The following CFAP46 variants were observed in gnomAD, a reference collection of about 807,000 sequenced individuals.
The protein encoded by CFAP46 is cilia- and flagella-associated protein 46.
A neutral mutation model predicts 325.7 loss-of-function variants in CFAP46; 245 were observed. The ratio of observed to expected loss-of-function variants is 0.75; its 90% CI spans 0.68 to 0.84. CFAP46 has a LOEUF of 0.84. Ranked by LOEUF, CFAP46 falls within the 40% of genes least tolerant of loss-of-function variation. The pLI is 0.00. For synonymous variants in CFAP46, 1,523 were observed against 1,495.9 expected (o/e 1.02, Z -0.42); for missense variants, 3,346 against 3,543.0 (o/e 0.94, Z 1.41).
chr10:132,858,203 C>T (rs867121248), intron 38 of CFAP46, among the ~76,000 whole-genome samples: 3 of 149,588 alleles, frequency 2.0e-5, no homozygotes, highest in Non-Finnish European at 4.4e-5. Context: ...CGTGTCGAGA[C>T]GCTTGCGTGT....
intron 50 of CFAP46, among the ~76,000 whole-genome samples, chr10:132,818,988 A>G (rs1814388328): frequency 6.6e-6 from 1 of 152,044 alleles, no homozygotes; most frequent in Non-Finnish European, 1.5e-5. Flanking sequence ...TGTTAGAACT[A>G]ATAAATTAAG....
chr10:132,907,722 G>A (rs891364789), intron 22 of CFAP46, among the ~76,000 whole-genome samples: 2 of 152,196 alleles, frequency 1.3e-5, no homozygotes, highest in Non-Finnish European at 2.9e-5. Flanking sequence ...CACCCCCACA[G>A]TGATGGTGTT....
rs1022707455 is a variant in CFAP46 at position 132,827,343 on chromosome 10, G to A, written c.7117+6015C>T. On this transcript the variant is annotated intron_variant, in intron 50 of 57. Transcript: ENST00000368586. This position sits in a 1 kb window ranked among gnomAD's most constrained non-coding sequence, Gnocchi z 5.7. Reference sequence around the variant, plus strand: ...GCTATAAGCTGCCACGCCGACTGCTGTGGGAGCTCCTGGGCCTGGAGGAGC... The same window carrying A: ...GCTATAAGCTGCCACGCCGACTGCTATGGGAGCTCCTGGGCCTGGAGGAGC... Among the ~76,000 whole-genome samples, 6 of 152,182 alleles carry A rather than the reference G, an allele frequency of 3.9e-5. No individual in the cohort carries two copies. Among genetic ancestry groups the A allele is most frequent in the African/African-American group, 1.4e-4 (6 of 41,434 alleles).
intron 28 of CFAP46, 36 bp from the exon 29 acceptor site, chr10:132,879,667 C>T (rs147597966): frequency 0.011 from 16,769 of 1,465,934 alleles, 198 homozygotes; most frequent in Middle Eastern, 0.055. Flanking sequence ...AGAGCAGGCC[C>T]GGCTACGGGT....
chr10:132,906,746 G>A (rs544571956), intron 22 of CFAP46, among the ~76,000 whole-genome samples: 1 of 98,670 alleles, frequency 1.0e-5, no homozygotes, highest in East Asian at 2.4e-4. Context: ...GTCCTGGCGC[G>A]TGATGCCCCG....
chr10:132,924,725 G>A lies in CFAP46; in HGVS notation c.1227C>T (p.Gly409=), dbSNP rs542514081. The change falls in exon 11 of 58, where the codon GGC becomes GGT. Residue 409 remains glycine, a synonymous_variant. Coordinates refer to ENST00000368586, the MANE Select transcript of CFAP46 (RefSeq NM_001200049.3). ...CCAGCTTCTCCAGCACGTCCGCAACGCCAGCCAGGGGCTTCCGCAGGTGGT... is the reference window on the plus strand; with the variant it reads ...CCAGCTTCTCCAGCACGTCCGCAACACCAGCCAGGGGCTTCCGCAGGTGGT... ...LRHHLRKPLA[G]VADVLEKLDS... 1.1e-5 allele frequency: 17 copies of A among 1,538,950 alleles called. No homozygotes were observed. The highest frequency in any genetic ancestry group is 2.8e-5 in the African/African-American group (2 of 72,078).
In CFAP46 at chr10:132,880,688, TGAGACACGTCAGGGGCCCCTGC is replaced by T. The variant is rs1849027878; in HGVS notation, c.3799+151_3799+172del. Among the ~76,000 whole-genome samples, 4 of 149,854 alleles carry T rather than the reference TGAGACACGTCAGGGGCCCCTGC, an allele frequency of 2.7e-5. 1 individual carries two copies. Among genetic ancestry groups the T allele is most frequent in the Admixed American group, 2.0e-4 (3 of 15,148 alleles). On this transcript the variant is annotated intron_variant, in intron 28 of 57. Transcript: ENST00000368586. Reference sequence around the variant, plus strand: ...CAGGGGCCCCTGCAGAGGACAGCACTGAGACACGTCAGGGGCCCCTGCAGAGGACAGCGCTGAGACACGTCAG... The same window carrying T: ...CAGGGGCCCCTGCAGAGGACAGCACTAGAGGACAGCGCTGAGACACGTCAG...
rs140185143 is a variant in CFAP46 at position 132,922,700 on chromosome 10, G to T, written c.1265C>A (p.Thr422Lys). 1 of 1,546,320 alleles carries T rather than the reference G, an allele frequency of 6.5e-7. No individual in the cohort carries two copies. Among genetic ancestry groups the T allele is most frequent in the African/African-American group, 1.4e-5 (1 of 73,006 alleles). ...DVLEKLDSLMTLLRCQVHMEM... is the reference protein window; with the variant it reads ...DVLEKLDSLMKLLRCQVHMEM... ...CATGTGCACTTGACAGCGGAGAAGC[G>T]TCATGAGGCTGCGGGGGTGGCGTGG... The change falls in exon 12 of 58, where the codon ACG becomes AAG. Residue 422 changes from threonine to lysine, a missense_variant. Coordinates refer to ENST00000368586, the MANE Select transcript of CFAP46 (RefSeq NM_001200049.3).
At chr10:132,932,969 G>A (rs540796552) in intron 8 of CFAP46, among the ~76,000 whole-genome samples, 2 of 152,326 alleles carry the variant, frequency 1.3e-5, no homozygotes, top group South Asian at 2.1e-4. Flanking sequence ...AAGAGCAGCC[G>A]CCCACAGTGT....
intron 44 of CFAP46, among the ~76,000 whole-genome samples, chr10:132,839,703 A>C (rs945661260): frequency 1.3e-5 from 2 of 152,198 alleles, no homozygotes; most frequent in African/African-American, 4.8e-5. Context: ...AATTTTAAAA[A>C]TCATGAGTTG....
At chr10:132,879,307 GT>G in intron 29 of CFAP46, 118 bp downstream of exon 29, 1 of 1,010,204 alleles carries the variant, frequency 9.9e-7, no homozygotes. Context: ...CATCTCAAAG[GT>G]CTTTAGGAAA....
At chr10:132,866,584 G>A (rs1003518422) in intron 34 of CFAP46, among the ~76,000 whole-genome samples, 2 of 152,142 alleles carry the variant, frequency 1.3e-5, no homozygotes, top group African/African-American at 4.8e-5. Context: ...CGCCCCGGGT[G>A]TGGGCCGGTG....
rs1207571402 is a variant in CFAP46 at position 132,851,370 on chromosome 10, C to A, written c.5575-65G>T. On this transcript the variant is annotated intron_variant, in intron 39 of 57. Transcript: ENST00000368586. ...TGGTAAGCCTGAATCTACATCCCCA[C>A]AACTTGGATGAGGCATAACCGACGT... is the stretch of plus-strand genomic sequence containing the variant. The A allele has an allele frequency of 4.6e-6, 7 of 1,512,082 alleles. No homozygotes were observed. In the East Asian group the frequency reaches 9.4e-5, roughly 20 times the overall value. 93.7% of individuals were successfully genotyped at this position (1,512,082 alleles called of 1,614,324 possible). A position where few individuals can be genotyped will look rare whatever the true frequency, so the allele number is the denominator to read the frequency against.
chr10:132,865,806 A>T (rs528409552), intron 35 of CFAP46, among the ~76,000 whole-genome samples: 11 of 152,370 alleles, frequency 7.2e-5, no homozygotes, highest in African/African-American at 2.2e-4. Context: ...AGGTACTGGA[A>T]ATAGAAACTT....
intron 40 of CFAP46, 126 bp downstream of exon 40, chr10:132,850,991 G>A: frequency 9.1e-7 from 1 of 1,093,082 alleles, no homozygotes; most frequent in Non-Finnish European, 1.3e-6. Context: ...GCTGCAAGAG[G>A]TCCCCAGCTG....
chr10:132,871,779 A>G (rs1336749467), intron 32 of CFAP46, among the ~76,000 whole-genome samples: 2 of 152,246 alleles, frequency 1.3e-5, no homozygotes, highest in African/African-American at 4.8e-5. Flanking sequence ...CACTGTGGAA[A>G]TGACAAAAGG....
At position 132,922,465 on chromosome 10, in the gene CFAP46, TC is replaced by T; in HGVS notation, c.1485+14del. ...GCTGCAGCACCCAGCCTCCCTCACT[TC>T]CCCGGGGCGGCACCTGCTCAACGGC... On this transcript the variant is annotated intron_variant, in intron 12 of 57. Transcript: ENST00000368586. 6.6e-7 allele frequency: 1 copy of T among 1,523,298 alleles called. No homozygotes were observed. The allele number at this position is 1,523,298 out of a possible 1,614,324, so 94.4% of individuals were successfully genotyped here. A position where few individuals can be genotyped will look rare whatever the true frequency, so the allele number is the denominator to read the frequency against.
chr10:132,859,276 G>A, intron 37 of CFAP46, 29 bp from the exon 38 acceptor site: 1 of 1,536,952 alleles, frequency 6.5e-7, no homozygotes, highest in Non-Finnish European at 8.8e-7. Context: ...GGGGCCTGGA[G>A]TCAGAAGCCC....
chr10:132,812,748 C>A, intron 55 of CFAP46, 37 bp downstream of exon 55: 1 of 1,516,500 alleles, frequency 6.6e-7, no homozygotes, highest in East Asian at 2.3e-5. Context: ...TTGTCCTGTG[C>A]CCGCGGGGGA....
Sources: allele counts gnomAD v4.1 joint callset (sites outside exome capture counted in the v4.1 genomes callset), GRCh38; gene constraint gnomAD v4.1.1; non-coding constraint Gnocchi (gnomAD v3.1); transcripts MANE v1.5; gene names NCBI Gene and HGNC (gene_info 2026-07-23, HGNC 2026-07-21).